The following DSCAML1 variants were observed in gnomAD, a reference collection of about 807,000 sequenced individuals.
DSCAML1 encodes the protein cell adhesion molecule DSCAML1.
DSCAML1 carries 38 observed loss-of-function variants against 200.5 expected under a neutral mutation model. The observed-to-expected ratio is 0.19, with a 90% CI of 0.15 to 0.25. The LOEUF (loss-of-function observed/expected upper bound fraction) is 0.25, where lower values mean the gene tolerates loss of function less well. Among genes scored for constraint, DSCAML1 ranks in the 10% least tolerant of loss-of-function variants. The probability of loss-of-function intolerance (pLI) is 1.00; values close to 1 mark genes in which losing one functional copy is unlikely to be tolerated. For synonymous variants in DSCAML1, 1,215 were observed against 1,165.0 expected (o/e 1.04, Z -0.87); for missense variants, 2,223 against 2,858.8 (o/e 0.78, Z 5.07).
intron 3 of DSCAML1, among the ~76,000 whole-genome samples, chr11:117,604,297 C>T (rs1044092399): frequency 8.1e-5 from 12 of 147,778 alleles, no homozygotes; most frequent in Non-Finnish European, 1.2e-4. Context: ...TGGCCCAACA[C>T]GGCTGCTGCA....
At chr11:117,630,660 A>C (rs1279856412) in intron 3 of DSCAML1, among the ~76,000 whole-genome samples, 3 of 99,080 alleles carry the variant, frequency 3.0e-5, no homozygotes, top group African/African-American at 9.1e-5. Flanking sequence ...AAAGTGGCCA[A>C]AAAAAAAAAA....
In DSCAML1 at chr11:117,781,312, A is replaced by AAGAAAAAAAGAAAAG. The variant is rs1213179834; in HGVS notation, c.47-517_47-503dup. ...TCTCGAAAAAAAAAAAAAAGAAAGA[A>AAGAAAAAAAGAAAAG]AGAAAAAAAGAAAAGAGAAAAAAAG... On this transcript the variant is annotated intron_variant, in intron 1 of 32. Transcript: ENST00000651296. Among the ~76,000 whole-genome samples the AAGAAAAAAAGAAAAG allele has an allele frequency of 6.6e-5, 10 of 152,068 alleles. No homozygotes were observed. In the East Asian group the frequency reaches 1.9e-3, roughly 29 times the overall value.
chr11:117,654,809 C>A (rs913991385), intron 3 of DSCAML1, among the ~76,000 whole-genome samples: 2 of 152,124 alleles, frequency 1.3e-5, no homozygotes, highest in African/African-American at 4.8e-5. Context: ...CATTTATCTG[C>A]GGCGTGGAGG....
At chr11:117,619,837 T>C (rs1314443323) in intron 3 of DSCAML1, among the ~76,000 whole-genome samples, 1 of 152,192 alleles carries the variant, frequency 6.6e-6, no homozygotes, top group East Asian at 1.9e-4. Context: ...AACAAATTCT[T>C]GTGGCAGGTC....
chr11:117,471,800 A>ACCCCACCCCCTTTAACTGAAAGC, intron 15 of DSCAML1, 69 bp downstream of exon 15: 1 of 1,529,068 alleles, frequency 6.5e-7, no homozygotes, highest in Admixed American at 1.9e-5. Flanking sequence ...AGTGAACAGG[A>ACCCCACCCCCTTTAACTGAAAGC]TCGCTGTAGG....
intron 3 of DSCAML1, among the ~76,000 whole-genome samples, chr11:117,617,674 GTA>G (rs2051836416): frequency 8.9e-6 from 1 of 112,912 alleles, no homozygotes; most frequent in African/African-American, 3.4e-5. Flanking sequence ...CAACACACAG[GTA>G]CACGCACACA....
At chr11:117,686,726 A>T (rs2053406682) in intron 3 of DSCAML1, among the ~76,000 whole-genome samples, 1 of 152,164 alleles carries the variant, frequency 6.6e-6, no homozygotes, top group African/African-American at 2.4e-5. Context: ...GGAGCGGGAG[A>T]AAGAGGCAGA....
chr11:117,658,905 G>T (rs1248586177), intron 3 of DSCAML1, among the ~76,000 whole-genome samples: 1 of 152,232 alleles, frequency 6.6e-6, no homozygotes, highest in African/African-American at 2.4e-5. Flanking sequence ...ATGTGGTGAA[G>T]ACTGGACCTT....
chr11:117,573,455 C>G (rs931732348), intron 3 of DSCAML1, among the ~76,000 whole-genome samples: 2 of 152,210 alleles, frequency 1.3e-5, no homozygotes, highest in African/African-American at 4.8e-5. Context: ...TCAGAACCTT[C>G]CACTGGATCA....
At chr11:117,674,584 C>T (rs1309104791) in intron 3 of DSCAML1, among the ~76,000 whole-genome samples, 5 of 152,122 alleles carry the variant, frequency 3.3e-5, no homozygotes, top group South Asian at 2.1e-4. Context: ...GTAGTATCCC[C>T]GCAAGGTACC....
intron 3 of DSCAML1, among the ~76,000 whole-genome samples, chr11:117,730,177 G>A (rs545920271): frequency 1.8e-4 from 28 of 152,194 alleles, no homozygotes; most frequent in Non-Finnish European, 3.7e-4. Context: ...CCAGCCTGGC[G>A]ACAGAGTGAG....
intron 1 of DSCAML1, among the ~76,000 whole-genome samples, chr11:117,803,235 A>G (rs1033389364): frequency 3.9e-5 from 6 of 152,146 alleles, no homozygotes; most frequent in Admixed American, 1.3e-4. Context: ...GTATCACAGT[A>G]TAACTGTGGC....
At chr11:117,697,594 A>T (rs2053605940) in intron 3 of DSCAML1, among the ~76,000 whole-genome samples, 1 of 151,734 alleles carries the variant, frequency 6.6e-6, no homozygotes, top group Non-Finnish European at 1.5e-5. Flanking sequence ...CTAACCCCCC[A>T]TTCCTTCCTG....
intron 3 of DSCAML1, among the ~76,000 whole-genome samples, chr11:117,606,885 G>A (rs911500670): frequency 3.3e-5 from 5 of 152,220 alleles, no homozygotes; most frequent in African/African-American, 1.2e-4. Flanking sequence ...CACAGAAGGA[G>A]GGTGACATTT....
At chr11:117,658,570 C>T (rs1044888528) in intron 3 of DSCAML1, among the ~76,000 whole-genome samples, 2 of 152,162 alleles carry the variant, frequency 1.3e-5, no homozygotes, top group African/African-American at 2.4e-5. Context: ...GCATAGTTTA[C>T]GCCACAGTAT....
rs1011832572 is a variant in DSCAML1 at position 117,528,869 on chromosome 11, G to C, written c.658+3507C>G. Among the ~76,000 whole-genome samples, 10 of 152,182 alleles carry C rather than the reference G, an allele frequency of 6.6e-5. No homozygotes were observed. In the East Asian group the frequency reaches 1.9e-3, roughly 29 times the overall value. On this transcript the variant is annotated intron_variant, in intron 4 of 32. Transcript: ENST00000651296. ...TTAGGTTGTATTTTGTGGAGGCACA[G>C]ACTATTCTTGCAACTGCCTCTGCAA... is the stretch of plus-strand genomic sequence containing the variant.
intron 3 of DSCAML1, among the ~76,000 whole-genome samples, chr11:117,671,815 G>T (rs1010529676): frequency 3.3e-5 from 5 of 152,222 alleles, no homozygotes; most frequent in African/African-American, 9.6e-5. Flanking sequence ...GGTGTTTAGG[G>T]TAAAAGAAAC....
chr11:117,537,855 A>G (rs951882927), intron 3 of DSCAML1, among the ~76,000 whole-genome samples: 15 of 152,306 alleles, frequency 9.8e-5, no homozygotes, highest in Non-Finnish European at 1.8e-4. Context: ...TGGAGCCTGT[A>G]GAGAGACGCT....
At chr11:117,453,542 C>T (rs1421551637) in intron 19 of DSCAML1, among the ~76,000 whole-genome samples, 2 of 152,164 alleles carry the variant, frequency 1.3e-5, no homozygotes, top group Non-Finnish European at 2.9e-5. Context: ...AACTGTTTCC[C>T]TTACATATTT....
Sources: gnomAD v4.1 joint callset for allele counts (sites outside exome capture counted in the v4.1 genomes callset) on GRCh38, gnomAD v4.1.1 for gene constraint, MANE v1.5 for transcripts, NCBI Gene and HGNC (gene_info 2026-07-23, HGNC 2026-07-21) for gene names.